POLR2F: variants seen among roughly 807,000 people sequenced by gnomAD.
POLR2F encodes RNA polymerase II, I and III subunit F, also known as DNA-directed RNA polymerases I, II, and III subunit RPABC2.
Under a neutral mutation model 22.7 loss-of-function variants are expected in POLR2F, and 12 were observed. The observed-to-expected ratio is 0.53, with a 90% CI of 0.34 to 0.86. The LOEUF (loss-of-function observed/expected upper bound fraction) is 0.86, where lower values mean the gene tolerates loss of function less well. POLR2F is among the 40% of genes least tolerant of loss of function. POLR2F has a pLI of 0.02. For synonymous variants in POLR2F, 57 were observed against 66.0 expected, an observed-to-expected ratio of 0.86 and a Z score of 0.66; for missense variants, 126 against 171.5, an observed-to-expected ratio of 0.73 and a Z score of 1.48.
chr22:38,030,044 C>T (rs189373514), downstream of POLR2F, among the ~76,000 whole-genome samples: 2 of 152,342 alleles, frequency 1.3e-5, no homozygotes, highest in East Asian at 3.9e-4. Flanking sequence ...CCACAAGCAT[C>T]ATCTGTTCTT....
At chr22:38,018,383 A>G (rs1360983862) in intron 1 of POLR2F, among the ~76,000 whole-genome samples, 2 of 152,150 alleles carry the variant, frequency 1.3e-5, no homozygotes. Context: ...TGCAGAGTAA[A>G]TATTCATTTT....
Position 37,956,811 on chromosome 22 carries a change from A to G in POLR2F, c.59A>G (p.Glu20Gly), listed in dbSNP as rs1198135898. Residue 20 changes from glutamate (E) to glycine (G), a missense_variant, in exon 2 of 5, where the codon GAA becomes GGA. Glu to Gly is a moderately conservative substitution (Grantham distance 98). Coordinates refer to ENST00000442738, the MANE Select transcript of POLR2F (RefSeq NM_021974.5). ...GDDFDDVEED[E>G]GLDDLENAEE... ...GACTTTGATGATGTGGAGGAGGATG[A>G]AGGGCTAGATGACTTGGAGAATGCC... 3.1e-6 allele frequency: 5 copies of G among 1,614,040 alleles called. No homozygotes were observed. The highest frequency in any genetic ancestry group is 4.2e-6 in the Non-Finnish European group (5 of 1,179,880).
intron 1 of POLR2F, among the ~76,000 whole-genome samples, chr22:37,992,883 A>G (rs1168869668): frequency 2.6e-5 from 4 of 152,208 alleles, no homozygotes; most frequent in Admixed American, 1.3e-4. Flanking sequence ...GGAACTGGAC[A>G]TGTCTGCTGT....
chr22:38,003,372 G>A (rs1172229151), intron 1 of POLR2F, among the ~76,000 whole-genome samples: 1 of 152,116 alleles, frequency 6.6e-6, no homozygotes. Flanking sequence ...AATTACAGGT[G>A]CGTGTCGCCA....
rs180862435 is a variant in POLR2F, at chr22:37,962,852, G to A, written c.221+3376G>A. On this transcript the variant is annotated intron_variant, in intron 3 of 4. Transcript: ENST00000442738. The stretch of plus-strand genomic sequence containing the variant: ...ACCACAGGCACCTGCCACCACGCCC[G>A]GCTAATTTTTTGTAGTTTTAGTAGA... Among the ~76,000 whole-genome samples the A allele has an allele frequency of 3.3e-5, 5 of 152,022 alleles. No individual in the cohort carries two copies. In the East Asian group the frequency reaches 7.8e-4, roughly 24 times the overall value.
At chr22:38,011,093 G>T (rs1317704905) in intron 1 of POLR2F, among the ~76,000 whole-genome samples, 1 of 151,574 alleles carries the variant, frequency 6.6e-6, no homozygotes, top group Non-Finnish European at 1.5e-5. Context: ...TTTAACATTT[G>T]GGGCTATGAT....
intron 1 of POLR2F, among the ~76,000 whole-genome samples, chr22:37,999,747 C>G (rs569159692): frequency 6.6e-6 from 1 of 152,326 alleles, no homozygotes; most frequent in East Asian, 1.9e-4. Flanking sequence ...CTTTGTCTCT[C>G]TGAGCCCCGG....
intron 4 of POLR2F, among the ~76,000 whole-genome samples, chr22:37,979,031 C>T (rs896398304): frequency 6.6e-6 from 1 of 152,080 alleles, no homozygotes; most frequent in East Asian, 1.9e-4. Flanking sequence ...CCTGCCTTGG[C>T]CTTCCAAAGT....
At chr22:37,987,968 G>A (rs1265509935) in intron 1 of POLR2F, 1 of 152,518 alleles carries the variant, frequency 6.6e-6, no homozygotes, top group East Asian at 1.9e-4. Context: ...TTTCTAATCA[G>A]TTGCCTAGGA....
chr22:38,021,791 T>C (rs1484588992), intron 1 of POLR2F, among the ~76,000 whole-genome samples: 1 of 151,672 alleles, frequency 6.6e-6, no homozygotes, highest in African/African-American at 2.4e-5. Flanking sequence ...TCAGTAAAAA[T>C]GTGGGGCACA....
chr22:38,026,514 AGGAGG>A, exon 3 of POLR2F: 3 of 348,882 alleles, frequency 8.6e-6, no homozygotes, highest in Non-Finnish European at 1.7e-5. Context: ...CTGAGAGCAG[AGGAGG>A]GAAGGCGGGA....
In POLR2F at chr22:37,978,015, G is replaced by A. The variant is rs771810177; in HGVS notation, c.293+10845G>A. On this transcript the variant is annotated intron_variant, in intron 4 of 4. Transcript: ENST00000405557. This position sits in a 1 kb window ranked among gnomAD's most constrained non-coding sequence, Gnocchi z 5.0. Reference sequence around the variant, plus strand: ...CGGGGCACTCCGCCTCGCCCTGGGCGGCCTTCCCGTTCTTCCGCCGCCTGG... The same window carrying A: ...CGGGGCACTCCGCCTCGCCCTGGGCAGCCTTCCCGTTCTTCCGCCGCCTGG... 1.1e-5 allele frequency: 18 copies of A among 1,611,652 alleles called. No individual in the cohort carries two copies. The highest frequency in any genetic ancestry group is 1.7e-5 in the Admixed American group (1 of 59,962).
chr22:38,019,536 G>T (rs535023319), intron 1 of POLR2F, among the ~76,000 whole-genome samples: 1 of 152,168 alleles, frequency 6.6e-6, no homozygotes, highest in Non-Finnish European at 1.5e-5. Context: ...CCCCAAGCAC[G>T]CCCTGAAAAT....
rs1199758815 is a variant in POLR2F, at chr22:38,016,703, C to T, written c.121-9166C>T. ...CTTTGGCAGCGGTTCCAGCCCTGGGCGGGTGGAAAGAGTGCTGGCACGCAC... is the reference window on the plus strand; with the variant it reads ...CTTTGGCAGCGGTTCCAGCCCTGGGTGGGTGGAAAGAGTGCTGGCACGCAC... On this transcript the variant is annotated intron_variant, in intron 1 of 2. Transcript: ENST00000333418. This position sits in a 1 kb window ranked among gnomAD's most constrained non-coding sequence, Gnocchi z 4.4. Among the ~76,000 whole-genome samples, 36 of 91,044 alleles carry T rather than the reference C, an allele frequency of 4.0e-4. No homozygotes were observed. Among genetic ancestry groups the T allele is most frequent in the African/African-American group, 1.4e-3 (32 of 23,082 alleles). The allele number at this position is 91,044 out of a possible 152,430, so 59.7% of individuals were successfully genotyped here.
rs2084961571 is a variant in POLR2F at position 38,021,705 on chromosome 22, C to G, written c.121-4164C>G. ...CTCCTGGGCTTAAGTGATCCTCACGCCTCAGCCTCCCAAAGTACCGGGATT... is the reference window on the plus strand; with the variant it reads ...CTCCTGGGCTTAAGTGATCCTCACGGCTCAGCCTCCCAAAGTACCGGGATT... On this transcript the variant is annotated intron_variant, in intron 1 of 2. Transcript: ENST00000333418. Among the ~76,000 whole-genome samples the G allele has an allele frequency of 1.3e-5, 2 of 152,106 alleles. 1 individual carries two copies. The highest frequency in any genetic ancestry group is 4.1e-4 in the South Asian group (2 of 4,830).
At chr22:37,971,028 C>A (rs1932035333), downstream of POLR2F, 1 of 328,594 alleles carries the variant, frequency 3.0e-6, no homozygotes, top group African/African-American at 2.2e-5. Context: ...TTTTGGCCAC[C>A]CTGGGGACTG....
downstream of POLR2F, chr22:38,041,496 C>A: frequency 5.1e-5 from 13 of 253,240 alleles, no homozygotes; most frequent in Non-Finnish European, 7.0e-5. Context: ...GACACCTAGC[C>A]AAGGTCAAGT....
At chr22:38,039,050 G>A (rs973573447) in intron 5 of POLR2F, among the ~76,000 whole-genome samples, 1 of 152,314 alleles carries the variant, frequency 6.6e-6, no homozygotes, top group South Asian at 2.1e-4. Context: ...TCCCTGCATG[G>A]GACAAGAGGC....
chr22:37,985,818 AACAC>A (rs60447362), upstream of POLR2F, among the ~76,000 whole-genome samples: 5,140 of 144,426 alleles, frequency 0.036, 102 homozygotes, highest in African/African-American at 0.06. Flanking sequence ...CAGACACTGG[AACAC>A]ACACACACAC....
Sources: gnomAD v4.1 joint callset for allele counts (sites outside exome capture counted in the v4.1 genomes callset) on GRCh38, gnomAD v4.1.1 for gene constraint, Gnocchi (gnomAD v3.1) non-coding constraint, MANE v1.5 for transcripts, NCBI Gene and HGNC (gene_info 2026-07-23, HGNC 2026-07-21) for gene names.